BEAN1: variants seen among roughly 807,000 people sequenced by gnomAD.
The protein encoded by BEAN1 is protein BEAN1.
A neutral mutation model predicts 17.7 loss-of-function variants in BEAN1; 17 were observed. The ratio of observed to expected loss-of-function variants is 0.96; its 90% CI spans 0.66 to 1.44. The LOEUF (loss-of-function observed/expected upper bound fraction) is 1.44. Ranked by LOEUF, BEAN1 falls within the 40% of genes most tolerant of loss-of-function variation. The pLI, the probability that BEAN1 is intolerant of heterozygous loss-of-function variation, is 0.00. For synonymous variants in BEAN1, 142 were observed against 151.8 expected (o/e 0.94, Z 0.47); for missense variants, 359 against 374.1 (o/e 0.96, Z 0.33).
chr16:66,467,905 G>A (rs763295047), intron 2 of BEAN1, among the ~76,000 whole-genome samples: 5 of 152,234 alleles, frequency 3.3e-5, no homozygotes, highest in Non-Finnish European at 7.3e-5. Context: ...CATGTTTCTA[G>A]CCCCAGCTAA....
intron 2 of BEAN1, among the ~76,000 whole-genome samples, chr16:66,455,627 C>T (rs545225436): frequency 1.4e-4 from 22 of 151,988 alleles, no homozygotes; most frequent in Non-Finnish European, 1.6e-4. Context: ...ATGAGCCTTA[C>T]CTAGGGATAC....
At chr16:66,449,594 G>A (rs962134551) in intron 2 of BEAN1, among the ~76,000 whole-genome samples, 5 of 107,344 alleles carry the variant, frequency 4.7e-5, no homozygotes. Context: ...GTGGCAGAGT[G>A]AGACTCCATC....
intron 2 of BEAN1, among the ~76,000 whole-genome samples, chr16:66,438,836 T>C (rs1229674911): frequency 6.6e-6 from 1 of 152,078 alleles, no homozygotes; most frequent in Non-Finnish European, 1.5e-5. Context: ...TCGCTATAAT[T>C]TGGGGAGACA....
chr16:66,467,502 G>T (rs753572194), intron 2 of BEAN1, among the ~76,000 whole-genome samples: 3 of 152,132 alleles, frequency 2.0e-5, no homozygotes, highest in Non-Finnish European at 4.4e-5. Context: ...AGAACAGCAT[G>T]GGAGAAACTG....
At chr16:66,487,310 TCTCCTC>T (rs1249128058), downstream of BEAN1, among the ~76,000 whole-genome samples, 1 of 151,918 alleles carries the variant, frequency 6.6e-6, no homozygotes, top group African/African-American at 2.4e-5. Flanking sequence ...TCCTGCCTCT[TCTCCTC>T]CTTACAGCCC....
chr16:66,476,154 A>G (rs1268920105), intron 3 of BEAN1: 2 of 152,218 alleles, frequency 1.3e-5, no homozygotes, highest in Non-Finnish European at 2.9e-5. Flanking sequence ...AAAAGAAATA[A>G]GGGTCATGAT....
downstream of BEAN1, chr16:66,483,492 G>C (rs1176603226): frequency 1.3e-5 from 2 of 152,586 alleles, no homozygotes; most frequent in Non-Finnish European, 2.9e-5. Flanking sequence ...AGAGGAAAGT[G>C]GCAATGAAAC....
intron 2 of BEAN1, 109 bp from the exon 3 acceptor site, chr16:66,469,493 C>G (rs1237104295): frequency 7.6e-7 from 1 of 1,321,818 alleles, no homozygotes; most frequent in African/African-American, 1.5e-5. Context: ...GAGCCCAGAC[C>G]CTCCTCCATT....
chr16:66,477,272 T>C (rs1264207548), intron 3 of BEAN1, among the ~76,000 whole-genome samples: 1 of 152,168 alleles, frequency 6.6e-6, no homozygotes, highest in Non-Finnish European at 1.5e-5. Flanking sequence ...CCAAAGCTCA[T>C]GACACACTGC....
rs138506763 is a variant in BEAN1 at position 66,479,799 on chromosome 16, G to C, written c.441-787G>C. On this transcript the variant is annotated intron_variant, in intron 4 of 4. Transcript: ENST00000536005. ...GTGGCAGTGGGAAGAGAAAGGACAGGTGGAGCTTGTGGCCAGGAGGGCCCT... is the reference window on the plus strand; with the variant it reads ...GTGGCAGTGGGAAGAGAAAGGACAGCTGGAGCTTGTGGCCAGGAGGGCCCT... Among the ~76,000 whole-genome samples the C allele has an allele frequency of 2.9e-4, 44 of 152,230 alleles. No homozygotes were observed. The East Asian group carries it at 7.4e-3, about 26-fold the overall frequency.
At chr16:66,458,347 C>A (rs1300765458) in intron 2 of BEAN1, among the ~76,000 whole-genome samples, 1 of 152,132 alleles carries the variant, frequency 6.6e-6, no homozygotes, top group East Asian at 1.9e-4. Context: ...TCCCCAGGTT[C>A]CCCACACCGG....
At position 66,488,752 on chromosome 16, in the gene BEAN1, T is replaced by C. The variant is rs570581887; in HGVS notation, c.148-4210T>C. On this transcript the variant is annotated intron_variant, in intron 4 of 4. Transcript: ENST00000561796. ...AAAACTACACTGCTGGCTTTTAAGA[T>C]GGAGGAAGGGGCCCTGAGCCAAGGA... Among the ~76,000 whole-genome samples, 4 of 151,418 alleles carry C rather than the reference T, an allele frequency of 2.6e-5. No individual in the cohort carries two copies. In the East Asian group the frequency reaches 7.8e-4, roughly 30 times the overall value.
intron 2 of BEAN1, among the ~76,000 whole-genome samples, chr16:66,466,976 G>T (rs1963280117): frequency 1.3e-5 from 2 of 152,212 alleles, no homozygotes; most frequent in Admixed American, 1.3e-4. Context: ...CTTAAGGATG[G>T]AAGTGTAGTC....
Position 66,437,945 on chromosome 16 carries a change from G to A in BEAN1, c.25+244G>A, listed in dbSNP as rs149138473. ...TCTGTATCAGCCCTTCCCGAAGTGT[G>A]GATCGGAGTTCCTCTGAGGGATGTT... is the stretch of plus-strand genomic sequence containing the variant. On this transcript the variant is annotated intron_variant, in intron 2 of 4. Coordinates refer to ENST00000536005, the MANE Select transcript of BEAN1 (RefSeq NM_001178020.3). The A allele has an allele frequency of 2.3e-3, 1,408 of 606,176 alleles. 3 individuals carry two copies. The highest frequency in any genetic ancestry group is 3.4e-3 in the Non-Finnish European group (1,138 of 335,450). 37.5% of individuals were successfully genotyped at this position (606,176 alleles called of 1,614,324 possible).
In BEAN1 at chr16:66,469,074, CCTT is replaced by C. The variant is rs150106881; in HGVS notation, c.26-525_26-523del. ...CCTTGGCCTTACCTCTTCTGGGAAA[CCTT>C]CTCTCATCTGATCCAAGCCCCTGAC... On this transcript the variant is annotated intron_variant, in intron 2 of 4. Coordinates refer to ENST00000536005, the MANE Select transcript of BEAN1 (RefSeq NM_001178020.3). 5.3e-5 allele frequency among the ~76,000 whole-genome samples: 8 copies of C among 151,944 alleles called. No individual in the cohort carries two copies. In the East Asian group the frequency reaches 1.5e-3, roughly 29 times the overall value.
intron 2 of BEAN1, among the ~76,000 whole-genome samples, chr16:66,449,042 C>T (rs1962567937): frequency 6.6e-6 from 1 of 151,916 alleles, no homozygotes; most frequent in Non-Finnish European, 1.5e-5. Context: ...TCCTTACTTG[C>T]ATCTTAGAAC....
intron 2 of BEAN1, among the ~76,000 whole-genome samples, chr16:66,461,029 T>C (rs980651882): frequency 6.6e-6 from 1 of 151,814 alleles, no homozygotes; most frequent in African/African-American, 2.4e-5. Flanking sequence ...CATGCTGGCA[T>C]TGGGGGGGAG....
intron 2 of BEAN1, among the ~76,000 whole-genome samples, chr16:66,444,671 A>G (rs1962378655): frequency 6.6e-6 from 1 of 152,102 alleles, no homozygotes. Flanking sequence ...CTGAGTTTGA[A>G]TCTTGCTCAC....
rs1326201616 is a variant in BEAN1 at position 66,481,464 on chromosome 16, G to C, written c.*539G>C. ...CCCCAGTGAGGTTCCGTTGTGCGCT[G>C]TGCCTATCTCTCGATTCCAGGGCAG... On this transcript the variant is annotated 3_prime_UTR_variant, in exon 5 of 5. Coordinates refer to ENST00000536005, the MANE Select transcript of BEAN1 (RefSeq NM_001178020.3). The surrounding 1 kb of genome is among the most constrained non-coding windows in gnomAD (Gnocchi z 4.1). 1 of 389,370 alleles carries C rather than the reference G, an allele frequency of 2.6e-6. No individual in the cohort carries two copies. The highest frequency in any genetic ancestry group is 2.1e-5 in the African/African-American group (1 of 48,456). 24.1% of individuals were successfully genotyped at this position (389,370 alleles called of 1,614,324 possible). A position where few individuals can be genotyped will look rare whatever the true frequency, so the allele number is the denominator to read the frequency against.
Sources: allele counts gnomAD v4.1 joint callset (sites outside exome capture counted in the v4.1 genomes callset), GRCh38; gene constraint gnomAD v4.1.1; non-coding constraint Gnocchi (gnomAD v3.1); transcripts MANE v1.5; gene names NCBI Gene and HGNC (gene_info 2026-07-23, HGNC 2026-07-21).